Variants in SHB observed in about 807,000 individuals in gnomAD.
The protein encoded by SHB is SH2 domain containing adaptor protein B.
SHB carries 20 observed loss-of-function variants against 52.3 expected under a neutral mutation model. That is an observed-to-expected ratio of 0.38 (90% CI 0.27 to 0.56). The LOEUF is 0.56. Ranked by LOEUF, SHB falls within the 20% of genes least tolerant of loss-of-function variation. The pLI, the probability that SHB is intolerant of heterozygous loss-of-function variation, is 0.71. For synonymous variants in SHB, 397 were observed against 316.5 expected (o/e 1.25, Z -2.70); for missense variants, 825 against 723.3 (o/e 1.14, Z -1.61).
intron 3 of SHB, among the ~76,000 whole-genome samples, chr9:37,970,258 G>A (rs1215484684): frequency 6.6e-6 from 1 of 152,210 alleles, no homozygotes; most frequent in Non-Finnish European, 1.5e-5. Flanking sequence ...ACGGCTCCAA[G>A]TATTTCTCAC....
intron 5 of SHB, among the ~76,000 whole-genome samples, chr9:37,946,288 T>C (rs933468569): frequency 3.3e-5 from 5 of 152,194 alleles, no homozygotes; most frequent in Middle Eastern, 3.2e-3. Flanking sequence ...AGGGTGGTCC[T>C]ACCCTCTAGG....
intron 1 of SHB, among the ~76,000 whole-genome samples, chr9:38,046,300 C>G (rs1821651293): frequency 6.6e-6 from 1 of 152,226 alleles, no homozygotes; most frequent in African/African-American, 2.4e-5. Flanking sequence ...TTGTCTGTGG[C>G]TCCCTGAAGA....
chr9:38,022,961 G>C (rs1023394934), intron 1 of SHB, among the ~76,000 whole-genome samples: 4 of 152,188 alleles, frequency 2.6e-5, no homozygotes, highest in African/African-American at 9.7e-5. Flanking sequence ...GCCACACTCA[G>C]TATCTTTCTA....
chr9:37,964,013 A>T (rs757161101), intron 3 of SHB, among the ~76,000 whole-genome samples: 5 of 152,212 alleles, frequency 3.3e-5, no homozygotes, highest in Non-Finnish European at 5.9e-5. Context: ...TCTTCCCTCT[A>T]GTTCAAGAGT....
intron 5 of SHB, among the ~76,000 whole-genome samples, chr9:37,937,381 A>G (rs1832383342): frequency 6.6e-6 from 1 of 152,220 alleles, no homozygotes; most frequent in African/African-American, 2.4e-5. Context: ...AATGGTTTTA[A>G]TTAAAGCATT....
At chr9:37,921,898 A>C (rs1352170464) in intron 5 of SHB, among the ~76,000 whole-genome samples, 1 of 152,250 alleles carries the variant, frequency 6.6e-6, no homozygotes, top group Non-Finnish European at 1.5e-5. Flanking sequence ...AAACAGCAGA[A>C]GAGTTAAAAA....
At chr9:37,940,601 C>A (rs1832424210) in intron 5 of SHB, among the ~76,000 whole-genome samples, 1 of 152,212 alleles carries the variant, frequency 6.6e-6, no homozygotes, top group African/African-American at 2.4e-5. Flanking sequence ...TCCCCCACCA[C>A]CCCTGCTGCC....
intron 1 of SHB, among the ~76,000 whole-genome samples, chr9:38,057,210 A>C (rs1290479518): frequency 3.3e-5 from 5 of 152,252 alleles, no homozygotes; most frequent in Non-Finnish European, 4.4e-5. Context: ...CTATTAAATT[A>C]CAGTTGTTAA....
At chr9:37,966,996 G>GACCCC (rs1820534616) in intron 3 of SHB, among the ~76,000 whole-genome samples, 1 of 152,194 alleles carries the variant, frequency 6.6e-6, no homozygotes, top group Non-Finnish European at 1.5e-5. Flanking sequence ...ATTCCAGCCT[G>GACCCC]ACCCCAGCCA....
chr9:38,066,032 T>A (rs115617286), intron 1 of SHB, among the ~76,000 whole-genome samples: 236 of 152,250 alleles, frequency 1.6e-3, no homozygotes, highest in African/African-American at 5.4e-3. Context: ...CTCATCACCA[T>A]CACGCCACTA....
At chr9:38,027,472 CT>C (rs1821357886) in intron 1 of SHB, among the ~76,000 whole-genome samples, 2 of 152,110 alleles carry the variant, frequency 1.3e-5, no homozygotes, top group Non-Finnish European at 2.9e-5. Context: ...CAGGCCATGC[CT>C]TTTAGTCTGG....
intron 2 of SHB, among the ~76,000 whole-genome samples, chr9:37,978,658 T>C (rs927203470): frequency 2.6e-5 from 4 of 152,176 alleles, no homozygotes; most frequent in Admixed American, 2.6e-4. Context: ...TGCCTGGGCA[T>C]TGGTAAATAC....
chr9:37,919,566 T>A lies in SHB; in HGVS notation c.*255A>T, dbSNP rs1832150065. ...AGGCATCTCTTTGGATTTGCAAATA[T>A]TTTAATTCACAGAAACTCAAGGAGA... On this transcript the variant is annotated 3_prime_UTR_variant, in exon 6 of 6. Coordinates refer to ENST00000377707, the MANE Select transcript of SHB (RefSeq NM_003028.3). The A allele has an allele frequency of 4.3e-6, 1 of 234,706 alleles. No homozygotes were observed. Among genetic ancestry groups the A allele is most frequent in the Non-Finnish European group, 8.4e-6 (1 of 118,640 alleles). 14.5% of individuals were successfully genotyped at this position (234,706 alleles called of 1,614,324 possible).
intron 1 of SHB, among the ~76,000 whole-genome samples, chr9:38,049,028 TATTTA>T (rs1010764125): frequency 1.3e-5 from 2 of 151,866 alleles, no homozygotes; most frequent in Non-Finnish European, 2.9e-5. Context: ...ACATCCTTTT[TATTTA>T]TTTTTGAGAC....
intron 1 of SHB, among the ~76,000 whole-genome samples, chr9:38,019,277 A>G (rs1400596962): frequency 6.6e-6 from 1 of 152,224 alleles, no homozygotes; most frequent in African/African-American, 2.4e-5. Context: ...GTCAGCCCAA[A>G]GCCCCTACAG....
At chr9:37,934,113 A>G (rs1832342482) in intron 5 of SHB, among the ~76,000 whole-genome samples, 1 of 152,180 alleles carries the variant, frequency 6.6e-6, no homozygotes, top group African/African-American at 2.4e-5. Flanking sequence ...ACACAACTCC[A>G]TCATTAACAC....
chr9:37,965,100 G>A (rs1832734547), intron 3 of SHB, among the ~76,000 whole-genome samples: 1 of 152,238 alleles, frequency 6.6e-6, no homozygotes. Context: ...GGCATTTGTG[G>A]AAATGAGTCT....
At chr9:37,923,663 C>T (rs151245144) in intron 5 of SHB, among the ~76,000 whole-genome samples, 3 of 152,332 alleles carry the variant, frequency 2.0e-5, no homozygotes, top group Admixed American at 6.5e-5. Flanking sequence ...CAAAAGGAGA[C>T]GCGAGCATGA....
chr9:37,967,900 G>A (rs1372484060), intron 3 of SHB, among the ~76,000 whole-genome samples: 2 of 152,246 alleles, frequency 1.3e-5, no homozygotes, highest in South Asian at 2.1e-4. Context: ...CCACCCAGGG[G>A]ACCAGTGGCC....
Sources: gnomAD v4.1 joint callset for allele counts (sites outside exome capture counted in the v4.1 genomes callset) on GRCh38, gnomAD v4.1.1 for gene constraint, MANE v1.5 for transcripts, NCBI Gene and HGNC (gene_info 2026-07-23, HGNC 2026-07-21) for gene names.